Variants in THADA observed in about 807,000 individuals in gnomAD.
The protein encoded by THADA is tRNA (32-2'-O)-methyltransferase regulator THADA.
THADA carries 213 observed loss-of-function variants against 219.8 expected under a neutral mutation model. The ratio of observed to expected loss-of-function variants is 0.97; its 90% CI spans 0.87 to 1.09. THADA has a LOEUF of 1.09. THADA is among the 50% of genes least tolerant of loss of function. THADA has a pLI of 0.00. For synonymous variants in THADA, 1,018 were observed against 828.9 expected (o/e 1.23, Z -3.92); for missense variants, 2,956 against 2,311.3 (o/e 1.28, Z -5.72).
chr2:43,402,841 A>C (rs1288818911), intron 28 of THADA, among the ~76,000 whole-genome samples: 1 of 152,234 alleles, frequency 6.6e-6, no homozygotes, highest in Non-Finnish European at 1.5e-5. Context: ...GATCATGCCC[A>C]GCTCTGCCTA....
At chr2:43,377,701 A>G (rs1215507725) in intron 29 of THADA, among the ~76,000 whole-genome samples, 1 of 152,194 alleles carries the variant, frequency 6.6e-6, no homozygotes, top group Non-Finnish European at 1.5e-5. Flanking sequence ...CTTATGCAGT[A>G]TAGGAACAAG....
chr2:43,282,184 G>C (rs1673440238), intron 35 of THADA, among the ~76,000 whole-genome samples: 1 of 152,208 alleles, frequency 6.6e-6, no homozygotes, highest in Non-Finnish European at 1.5e-5. Context: ...CAGAAAATGT[G>C]CTGCAAAATG....
intron 30 of THADA, among the ~76,000 whole-genome samples, chr2:43,325,810 T>C (rs1488850144): frequency 1.3e-5 from 2 of 152,254 alleles, no homozygotes; most frequent in Non-Finnish European, 2.9e-5. Flanking sequence ...AAGTTATCTT[T>C]AAGATTTAAA....
intron 30 of THADA, among the ~76,000 whole-genome samples, chr2:43,339,784 T>C (rs1370707886): frequency 3.3e-5 from 5 of 152,170 alleles, no homozygotes; most frequent in African/African-American, 1.2e-4. Flanking sequence ...CTGGGACAGC[T>C]GAGCTGGAAT....
At chr2:43,454,709 T>C (rs1573731658) in intron 26 of THADA, among the ~76,000 whole-genome samples, 1 of 152,172 alleles carries the variant, frequency 6.6e-6, no homozygotes, top group Non-Finnish European at 1.5e-5. Context: ...GCTGTATTCA[T>C]GTATGTCCTG....
At chr2:43,489,076 C>A (rs905213269) in intron 25 of THADA, among the ~76,000 whole-genome samples, 1 of 152,060 alleles carries the variant, frequency 6.6e-6, no homozygotes, top group Non-Finnish European at 1.5e-5. Flanking sequence ...ATGTATAATA[C>A]GCAAATATTT....
At chr2:43,551,621 T>C (rs1433254035) in intron 19 of THADA, among the ~76,000 whole-genome samples, 168 bp downstream of exon 19, 1 of 149,530 alleles carries the variant, frequency 6.7e-6, no homozygotes, top group South Asian at 2.1e-4. Context: ...TACTTTTTAA[T>C]AGTTAAAACT....
chr2:43,256,364 T>A (rs1309441131), intron 36 of THADA, among the ~76,000 whole-genome samples: 2 of 151,890 alleles, frequency 1.3e-5, no homozygotes, highest in African/African-American at 2.4e-5. Context: ...TTTTTTTTTT[T>A]AAACCAGTTA....
chr2:43,429,105 GTGT>G (rs1678887197), intron 27 of THADA, among the ~76,000 whole-genome samples: 1 of 132,974 alleles, frequency 7.5e-6, no homozygotes, highest in Non-Finnish European at 1.7e-5. Context: ...GAATGTGTGT[GTGT>G]TTTTTTTTTC....
chr2:43,557,789 A>C (rs1427925971), intron 16 of THADA, among the ~76,000 whole-genome samples: 1 of 152,234 alleles, frequency 6.6e-6, no homozygotes, highest in Non-Finnish European at 1.5e-5. Flanking sequence ...TTAGGAAAAA[A>C]TAATTATACA....
chr2:43,233,187 G>A (rs1229196661), intron 36 of THADA: 2 of 303,068 alleles, frequency 6.6e-6, no homozygotes, highest in African/African-American at 4.1e-5. Flanking sequence ...AGTGTCACCA[G>A]AAGGATCAGG....
chr2:43,385,119 C>T lies in THADA; in HGVS notation c.4227+12852G>A, dbSNP rs569502060. On this transcript the variant is annotated intron_variant, in intron 29 of 37. Coordinates refer to ENST00000405975, the MANE Select transcript of THADA (RefSeq NM_022065.5). ...TCTCACTACTGCTCTCTAGCCCGGG[C>T]GACAAAGTGAGACTCTGTCTCAAAA... 3.7e-4 allele frequency among the ~76,000 whole-genome samples: 56 copies of T among 151,228 alleles called. No homozygotes were observed. The South Asian group carries it at 5.8e-3, about 16-fold the overall frequency.
At chr2:43,360,208 C>T (rs918674938) in intron 29 of THADA, among the ~76,000 whole-genome samples, 3 of 152,160 alleles carry the variant, frequency 2.0e-5, no homozygotes, top group Non-Finnish European at 4.4e-5. Context: ...TCATTTGGCA[C>T]CTAGGATATG....
chr2:43,505,794 G>T, intron 23 of THADA, 59 bp from the exon 24 acceptor site: 1 of 1,239,534 alleles, frequency 8.1e-7, no homozygotes, highest in Non-Finnish European at 1.2e-6. Flanking sequence ...CTTGTTTGCT[G>T]CTTCCCTGGA....
chr2:43,314,735 A>G (rs1175094638), intron 31 of THADA, among the ~76,000 whole-genome samples: 2 of 152,212 alleles, frequency 1.3e-5, no homozygotes, highest in Non-Finnish European at 2.9e-5. Flanking sequence ...ACTGGACACT[A>G]TAATTTTCTT....
At chr2:43,259,461 G>A (rs921258813) in intron 36 of THADA, among the ~76,000 whole-genome samples, 1 of 152,222 alleles carries the variant, frequency 6.6e-6, no homozygotes, top group Non-Finnish European at 1.5e-5. Flanking sequence ...ACGCATTTAT[G>A]CTCCTTGCCA....
chr2:43,365,041 T>C (rs920547625), intron 29 of THADA, among the ~76,000 whole-genome samples: 11 of 150,326 alleles, frequency 7.3e-5, no homozygotes, highest in Non-Finnish European at 1.3e-4. Flanking sequence ...GACTGCAACC[T>C]CCGCCTCCCG....
At chr2:43,527,089 G>GA (rs1260185041) in intron 22 of THADA, among the ~76,000 whole-genome samples, 7 of 151,122 alleles carry the variant, frequency 4.6e-5, no homozygotes, top group Admixed American at 6.6e-5. Context: ...CCAGGCATGT[G>GA]AAAAAAAAAG....
chr2:43,582,011 T>G, intron 7 of THADA, 83 bp from the exon 8 acceptor site: 1 of 1,019,670 alleles, frequency 9.8e-7, no homozygotes, highest in Non-Finnish European at 1.4e-6. Context: ...AATAAATACA[T>G]TCCTCAAAGG....
Sources: allele counts gnomAD v4.1 joint callset (sites outside exome capture counted in the v4.1 genomes callset), GRCh38; gene constraint gnomAD v4.1.1; transcripts MANE v1.5; gene names NCBI Gene and HGNC (gene_info 2026-07-23, HGNC 2026-07-21).